Variants in ZNF141 observed in about 807,000 individuals in gnomAD.
ZNF141 encodes the protein zinc finger protein 141.
Under a neutral mutation model 11.3 loss-of-function variants are expected in ZNF141, and 7 were observed. That is an observed-to-expected ratio of 0.62 (90% CI 0.35 to 1.16). The LOEUF is 1.16. Ranked by LOEUF, ZNF141 falls within the 50% of genes most tolerant of loss-of-function variation. The pLI is 0.02. For synonymous variants in ZNF141, 183 were observed against 190.7 expected (o/e 0.96, Z 0.33); for missense variants, 535 against 554.0 (o/e 0.97, Z 0.34).
chr4:344,258 G>C, intron 2 of ZNF141, 77 bp from the exon 3 acceptor site: 1 of 1,251,234 alleles, frequency 8.0e-7, no homozygotes, highest in Non-Finnish European at 1.1e-6. Context: ...TCTCTATTCT[G>C]CTTAGCGTAG....
At chr4:340,715 T>A (rs1721006203) in intron 1 of ZNF141, among the ~76,000 whole-genome samples, 1 of 152,238 alleles carries the variant, frequency 6.6e-6, no homozygotes, top group African/African-American at 2.4e-5. Context: ...ACCGTTCCCC[T>A]CTTTGAACTG....
intron 3 of ZNF141, among the ~76,000 whole-genome samples, chr4:372,458 A>G (rs937492485): frequency 6.6e-6 from 1 of 152,234 alleles, no homozygotes; most frequent in Non-Finnish European, 1.5e-5. Context: ...GAGGCATTGC[A>G]TACAATTAAC....
rs1560204532 is a variant in ZNF141 at position 380,955 on chromosome 4, ACT to A, written c.*7096_*7097del. Among the ~76,000 whole-genome samples, 1 of 151,994 alleles carries A rather than the reference ACT, an allele frequency of 6.6e-6. No individual in the cohort carries two copies. The highest frequency in any genetic ancestry group is 1.5e-5 in the Non-Finnish European group (1 of 68,000). ...TACTTCCTGTATTTAAACCATATAAACTCTAGAATTGCCCTTCGATACTGACG... is the reference window on the plus strand; with the variant it reads ...TACTTCCTGTATTTAAACCATATAAACTAGAATTGCCCTTCGATACTGACG... On this transcript the variant is annotated 3_prime_UTR_variant, in exon 4 of 4. Transcript: ENST00000240499.
chr4:353,856 A>T (rs1294530857), intron 3 of ZNF141, among the ~76,000 whole-genome samples: 1 of 152,070 alleles, frequency 6.6e-6, no homozygotes, highest in African/African-American at 2.4e-5. Context: ...AAAGGGAAGG[A>T]CTTCTGAGGG....
At chr4:361,936 C>A (rs1308359851) in intron 3 of ZNF141, among the ~76,000 whole-genome samples, 11 of 152,176 alleles carry the variant, frequency 7.2e-5, no homozygotes, top group Non-Finnish European at 1.0e-4. Flanking sequence ...AGTTCTAAAT[C>A]CTTGAGGAAT....
rs782474349 is a variant in ZNF141 at position 375,649 on chromosome 4, T to A, written c.*1787T>A. On this transcript the variant is annotated 3_prime_UTR_variant, in exon 4 of 4. Coordinates refer to ENST00000240499, the MANE Select transcript of ZNF141 (RefSeq NM_003441.4). ...GTATATAAGTTGAAAAGAAGATTTT[T>A]GAAGAGATACTACATTTAAAGTATA... is the stretch of plus-strand genomic sequence containing the variant. Among the ~76,000 whole-genome samples, 2 of 152,086 alleles carry A rather than the reference T, an allele frequency of 1.3e-5. No homozygotes were observed. Among genetic ancestry groups the A allele is most frequent in the Non-Finnish European group, 2.9e-5 (2 of 67,924 alleles).
At chr4:338,243 T>C in intron 1 of ZNF141, 1 of 440,938 alleles carries the variant, frequency 2.3e-6, no homozygotes, top group Non-Finnish European at 4.1e-6. Context: ...GAGTAGCTTA[T>C]CTGGAAGCCG....
chr4:350,299 A>T (rs1553850244), intron 3 of ZNF141: 1 of 496,024 alleles, frequency 2.0e-6, no homozygotes, highest in Admixed American at 2.2e-5. Context: ...AACCCTAACC[A>T]TAGGCAAGCA....
At chr4:340,720 G>A (rs1721006486) in intron 1 of ZNF141, among the ~76,000 whole-genome samples, 2 of 152,280 alleles carry the variant, frequency 1.3e-5, no homozygotes, top group South Asian at 2.1e-4. Context: ...TCCCCTCTTT[G>A]AACTGTTTGT....
intron 3 of ZNF141, among the ~76,000 whole-genome samples, chr4:371,370 T>A (rs890801988): frequency 6.6e-6 from 1 of 151,778 alleles, no homozygotes; most frequent in Non-Finnish European, 1.5e-5. Context: ...TAGCTGGGAC[T>A]ACAGGCATGG....
intron 3 of ZNF141, among the ~76,000 whole-genome samples, chr4:354,089 C>T (rs1306121263): frequency 6.6e-6 from 1 of 152,180 alleles, no homozygotes; most frequent in African/African-American, 2.4e-5. Flanking sequence ...CACCAGTAAC[C>T]TGTTTTCTCC....
At position 374,495 on chromosome 4, in the gene ZNF141, A is replaced by T. The variant is rs2108656560; in HGVS notation, c.*633A>T. 3.7e-6 allele frequency: 1 copy of T among 272,374 alleles called. No homozygotes were observed. Among genetic ancestry groups the T allele is most frequent in the East Asian group, 9.0e-5 (1 of 11,150 alleles). The allele number at this position is 272,374 out of a possible 1,614,324, so 16.9% of individuals were successfully genotyped here. On this transcript the variant is annotated 3_prime_UTR_variant, in exon 4 of 4. Transcript: ENST00000240499. ...GTGGCAAAGCCTTCAATAGGTTCTC[A>T]ACCCTTACTGTGCACAAGATAATTC...
At chr4:371,138 T>A (rs1712038490) in intron 3 of ZNF141, among the ~76,000 whole-genome samples, 1 of 148,996 alleles carries the variant, frequency 6.7e-6, no homozygotes, top group African/African-American at 2.4e-5. Context: ...ATATATATTT[T>A]AATTATATTT....
At position 343,651 on chromosome 4, in the gene ZNF141, G is replaced by A. The variant is rs1581581746; in HGVS notation, c.4-131G>A. ...GAGGCAGGAGAATGGTGTGAACCTG[G>A]GAGGCGGAGCTTGCAGTGAGCCGAG... On this transcript the variant is annotated intron_variant, in intron 1 of 3. Transcript: ENST00000240499. 4.7e-6 allele frequency: 5 copies of A among 1,070,256 alleles called. No homozygotes were observed. In the East Asian group the frequency reaches 1.7e-4, roughly 36 times the overall value. The allele number at this position is 1,070,256 out of a possible 1,614,324, so 66.3% of individuals were successfully genotyped here.
rs1712190843 is a variant in ZNF141 at position 373,512 on chromosome 4, A to G, written c.1075A>G (p.Lys359Glu). ...RQSSKLNEHK[K>E]VHTGERPYKC... The stretch of plus-strand genomic sequence containing the variant: ...GTCCTCAAAACTGAATGAACATAAG[A>G]AAGTTCATACTGGAGAGCGGCCCTA... The change falls in exon 4 of 4, where the codon AAA becomes GAA. Residue 359 changes from lysine (K) to glutamate (E), a missense_variant. Coordinates refer to ENST00000240499, the MANE Select transcript of ZNF141 (RefSeq NM_003441.4). 6.2e-7 allele frequency: 1 copy of G among 1,613,842 alleles called. No homozygotes were observed. Among genetic ancestry groups the G allele is most frequent in the Non-Finnish European group, 8.5e-7 (1 of 1,179,912 alleles).
intron 3 of ZNF141, among the ~76,000 whole-genome samples, chr4:365,692 G>A (rs1240722309): frequency 2.0e-5 from 3 of 152,168 alleles, no homozygotes; most frequent in Admixed American, 2.0e-4. Context: ...GTGCTTTTGA[G>A]GTCTTACTTA....
intron 1 of ZNF141, among the ~76,000 whole-genome samples, chr4:339,607 C>G (rs1170407385): frequency 6.6e-6 from 1 of 152,218 alleles, no homozygotes; most frequent in Non-Finnish European, 1.5e-5. Flanking sequence ...AGAATTTTTA[C>G]TCTTCTCCCT....
intron 3 of ZNF141, among the ~76,000 whole-genome samples, chr4:351,297 G>A (rs1040525044): frequency 4.6e-5 from 7 of 150,660 alleles, no homozygotes; most frequent in South Asian, 2.1e-4. Flanking sequence ...ACAGTGGCGC[G>A]ATCTCGGCTC....
At position 375,888 on chromosome 4, in the gene ZNF141, T is replaced by C. The variant is rs1409871497; in HGVS notation, c.*2026T>C. Among the ~76,000 whole-genome samples the C allele has an allele frequency of 6.6e-6, 1 of 152,054 alleles. No individual in the cohort carries two copies. Among genetic ancestry groups the C allele is most frequent in the African/African-American group, 2.4e-5 (1 of 41,440 alleles). On this transcript the variant is annotated 3_prime_UTR_variant, in exon 4 of 4. Coordinates refer to ENST00000240499, the MANE Select transcript of ZNF141 (RefSeq NM_003441.4). The stretch of plus-strand genomic sequence containing the variant: ...GAGGACAGAAATGAAAGATCCATGA[T>C]GAAAATCTAGCAGAGAGGCTTTTTT...
Sources: gnomAD v4.1 joint callset for allele counts (sites outside exome capture counted in the v4.1 genomes callset) on GRCh38, gnomAD v4.1.1 for gene constraint, MANE v1.5 for transcripts, NCBI Gene and HGNC (gene_info 2026-07-23, HGNC 2026-07-21) for gene names.